The following UBN2 variants were observed in gnomAD, a reference collection of about 807,000 sequenced individuals.
UBN2 encodes ubinuclein 2, also known as ubinuclein-2.
Under a neutral mutation model 120.2 loss-of-function variants are expected in UBN2, and 35 were observed. The ratio of observed to expected loss-of-function variants is 0.29; its 90% CI spans 0.22 to 0.39. UBN2 has a LOEUF of 0.39. UBN2 is among the 10% of genes least tolerant of loss of function. The probability of loss-of-function intolerance (pLI) is 1.00; values close to 1 mark genes in which losing one functional copy is unlikely to be tolerated. For synonymous variants in UBN2, 661 were observed against 648.7 expected (o/e 1.02, Z -0.29); for missense variants, 1,693 against 1,663.2 (o/e 1.02, Z -0.31).
chr7:139,248,100 A>G (rs1796520847), intron 2 of UBN2, among the ~76,000 whole-genome samples: 1 of 152,214 alleles, frequency 6.6e-6, no homozygotes, highest in African/African-American at 2.4e-5. Context: ...AGGACATTTC[A>G]TACTTAAATT....
intron 1 of UBN2, among the ~76,000 whole-genome samples, chr7:139,232,934 T>C (rs1796068522): frequency 6.6e-6 from 1 of 152,192 alleles, no homozygotes; most frequent in Non-Finnish European, 1.5e-5. Context: ...AAGGAAATGA[T>C]AGATTAACAG....
chr7:139,293,713 G>A (rs1798029828), intron 16 of UBN2, 176 bp from the exon 17 acceptor site: 2 of 651,828 alleles, frequency 3.1e-6, no homozygotes, highest in Admixed American at 5.8e-5. Flanking sequence ...CAGTTGTGTT[G>A]GGTTATGTGC....
intron 17 of UBN2, among the ~76,000 whole-genome samples, chr7:139,295,763 T>G (rs745525843): frequency 1.3e-5 from 2 of 152,034 alleles, no homozygotes; most frequent in African/African-American, 2.4e-5. Context: ...CTACAAAAAA[T>G]ACAGAAAATT....
Position 139,304,706 on chromosome 7 carries a change from G to GGTGTGTGTGTGTGGGTGT in UBN2, c.*6883_*6884insGGTGTGTGTGTGTGTGTG, listed in dbSNP as rs1554480231. 212 of 140,480 alleles carry GGTGTGTGTGTGTGGGTGT rather than the reference G, an allele frequency of 1.5e-3. 1 individual carries two copies. Among genetic ancestry groups the GGTGTGTGTGTGTGGGTGT allele is most frequent in the African/African-American group, 5.5e-3 (209 of 38,132 alleles). The allele number at this position is 140,480 out of a possible 1,614,324, so 8.7% of individuals were successfully genotyped here. A position where few individuals can be genotyped will look rare whatever the true frequency, so the allele number is the denominator to read the frequency against. On this transcript the variant is annotated 3_prime_UTR_variant, in exon 18 of 18. Coordinates refer to ENST00000473989, the MANE Select transcript of UBN2 (RefSeq NM_173569.4). ...AGGTCCACTGAATCTCTAATGATAG[G>GGTGTGTGTGTGTGGGTGT]GTGTGTGTGTGTGTGTGTGTGTGTG...
rs1418171930 is a variant in UBN2 at position 139,298,648 on chromosome 7, A to T, written c.*812A>T. 6.6e-6 allele frequency: 1 copy of T among 151,768 alleles called. No individual in the cohort carries two copies. The highest frequency in any genetic ancestry group is 2.4e-5 in the African/African-American group (1 of 41,280). 9.4% of individuals were successfully genotyped at this position (151,768 alleles called of 1,614,324 possible). A position where few individuals can be genotyped will look rare whatever the true frequency, so the allele number is the denominator to read the frequency against. On this transcript the variant is annotated 3_prime_UTR_variant, in exon 18 of 18. Transcript: ENST00000473989. ...TTGTGCATCTAGTATTGACTGGTTA[A>T]TTCTTATTTCCATTCTTGATGTTAA...
At chr7:139,297,633 A>C (rs535762198) in intron 17 of UBN2, among the ~76,000 whole-genome samples, 154 bp from the exon 18 acceptor site, 1 of 152,240 alleles carries the variant, frequency 6.6e-6, no homozygotes, top group Admixed American at 6.5e-5. Context: ...ATCAACCTCT[A>C]TAATGCTATA....
At chr7:139,294,790 G>A (rs149061135) in intron 17 of UBN2, among the ~76,000 whole-genome samples, 139 of 152,212 alleles carry the variant, frequency 9.1e-4, no homozygotes, top group Non-Finnish European at 1.6e-3. Flanking sequence ...GCGGTGAGCC[G>A]AGATCACGCC....
At chr7:139,310,774 AAAAT>A (rs755882852), downstream of UBN2, among the ~76,000 whole-genome samples, 53 of 152,312 alleles carry the variant, frequency 3.5e-4, no homozygotes, top group African/African-American at 8.4e-4. Context: ...CGCCGTCTCA[AAAAT>A]AAATAAATAA....
At chr7:139,282,615 T>C (rs1032209661) in intron 14 of UBN2, among the ~76,000 whole-genome samples, 3 of 152,110 alleles carry the variant, frequency 2.0e-5, no homozygotes, top group Non-Finnish European at 4.4e-5. Flanking sequence ...GTCAGCCTCC[T>C]AGCAAACCAT....
At chr7:139,245,097 C>CTTTT (rs537219130) in intron 2 of UBN2, among the ~76,000 whole-genome samples, 41 of 100,314 alleles carry the variant, frequency 4.1e-4, no homozygotes, top group African/African-American at 1.2e-3. Flanking sequence ...CCATGCCCAG[C>CTTTT]TTTTTTTTTT....
chr7:139,231,468 G>T lies in UBN2; in HGVS notation c.-17G>T. 1 of 1,326,202 alleles carries T rather than the reference G, an allele frequency of 7.5e-7. No homozygotes were observed. 82.2% of individuals were successfully genotyped at this position (1,326,202 alleles called of 1,614,324 possible). ...GAGCGCCGGCTCGAGCAAAAGCGGA[G>T]GGCCAGAACAGTGGGGATGGCGGAG... On this transcript the variant is annotated 5_prime_UTR_variant, in exon 1 of 18. It adds an upstream start codon to the 5' untranslated region. Transcript: ENST00000473989.
chr7:139,321,013 A>G, the UBN2 span, among the ~76,000 whole-genome samples: 1 of 152,236 alleles, frequency 6.6e-6, no homozygotes, highest in Non-Finnish European at 1.5e-5. Flanking sequence ...GCAGTGCATC[A>G]GGTATCCTGG....
At chr7:139,318,671 T>A in the UBN2 span, among the ~76,000 whole-genome samples, 7 of 152,120 alleles carry the variant, frequency 4.6e-5, no homozygotes, top group African/African-American at 9.7e-5. Context: ...AATTTTTTTT[T>A]AAATTTGAGG....
intron 5 of UBN2, 71 bp from the exon 6 acceptor site, chr7:139,261,181 C>T: frequency 6.7e-7 from 1 of 1,487,854 alleles, no homozygotes; most frequent in Non-Finnish European, 9.0e-7. Context: ...TAATTCTGTG[C>T]CTGCTTATTT....
intron 2 of UBN2, among the ~76,000 whole-genome samples, chr7:139,241,129 G>T (rs1209770569): frequency 5.3e-5 from 8 of 152,146 alleles, no homozygotes; most frequent in Non-Finnish European, 1.0e-4. Context: ...CTATACTCAG[G>T]AGTAGGATGC....
intron 7 of UBN2, 148 bp from the exon 8 acceptor site, chr7:139,269,246 G>T: frequency 6.7e-6 from 5 of 751,772 alleles, no homozygotes; most frequent in Non-Finnish European, 7.9e-6. Flanking sequence ...ATTGCTATGG[G>T]TTTTTTTTTA....
chr7:139,264,553 CT>C (rs1250910261), intron 6 of UBN2, among the ~76,000 whole-genome samples: 3 of 151,692 alleles, frequency 2.0e-5, no homozygotes, highest in Non-Finnish European at 2.9e-5. Context: ...ATTTGGACCT[CT>C]TTTTTTTGAC....
At chr7:139,264,016 C>T (rs1450675605) in intron 6 of UBN2, among the ~76,000 whole-genome samples, 6 of 152,118 alleles carry the variant, frequency 3.9e-5, no homozygotes, top group Non-Finnish European at 5.9e-5. Flanking sequence ...CTATATGCAT[C>T]ATGAAGAGAT....
At chr7:139,276,176 C>T (rs537889118) in intron 12 of UBN2, 29 bp downstream of exon 12, 2 of 1,597,736 alleles carry the variant, frequency 1.3e-6, no homozygotes. Context: ...CAGATTGCTT[C>T]ATTTATTCAC....
Sources: gnomAD v4.1 joint callset for allele counts (sites outside exome capture counted in the v4.1 genomes callset) on GRCh38, gnomAD v4.1.1 for gene constraint, MANE v1.5 for transcripts, NCBI Gene and HGNC (gene_info 2026-07-23, HGNC 2026-07-21) for gene names.